ELAVL4: variants seen among roughly 807,000 people sequenced by gnomAD.
ELAVL4 encodes ELAV like RNA binding protein 4.
In ELAVL4, 1 loss-of-function variant was observed where a neutral mutation model predicts 35.6. The ratio of observed to expected loss-of-function variants is 0.03; its 90% CI spans 0.01 to 0.13. The LOEUF is 0.13. ELAVL4 is among the 10% of genes least tolerant of loss of function. The pLI is 1.00. For missense variants in ELAVL4, 267 were observed against 464.9 expected, an observed-to-expected ratio of 0.57 and a Z score of 3.91; for synonymous variants, 156 against 171.0, an observed-to-expected ratio of 0.91 and a Z score of 0.69.
chr1:50,130,583 A>T (rs1291070531), intron 1 of ELAVL4, among the ~76,000 whole-genome samples: 1 of 152,172 alleles, frequency 6.6e-6, no homozygotes, highest in Non-Finnish European at 1.5e-5. Flanking sequence ...TTATAACAGG[A>T]TTTCCCTTTA....
In ELAVL4 at chr1:50,067,847, C is replaced by A. The variant is rs190936610; in HGVS notation, c.18+19665C>A. On this transcript the variant is annotated intron_variant, in intron 1 of 6. Transcript: ENST00000448907. Reference sequence around the variant, plus strand: ...AAGGCGAAGCACACATGTCCTTCTTCACATGATGGCAGGAAGAAGTGCCAA... The same window carrying A: ...AAGGCGAAGCACACATGTCCTTCTTAACATGATGGCAGGAAGAAGTGCCAA... Among the ~76,000 whole-genome samples, 92 of 152,260 alleles carry A rather than the reference C, an allele frequency of 6.0e-4. No individual in the cohort carries two copies. The Middle Eastern group carries it at 0.01, about 17-fold the overall frequency.
At chr1:50,102,891 A>G (rs1666064441), upstream of ELAVL4, among the ~76,000 whole-genome samples, 1 of 152,182 alleles carries the variant, frequency 6.6e-6, no homozygotes, top group Admixed American at 6.5e-5. Context: ...CATTCCACCT[A>G]AATCAGATGC....
At chr1:50,137,959 T>G (rs1320714351) in intron 1 of ELAVL4, among the ~76,000 whole-genome samples, 1 of 152,186 alleles carries the variant, frequency 6.6e-6, no homozygotes, top group African/African-American at 2.4e-5. Flanking sequence ...ATGTACATTA[T>G]CTCACTGAGT....
intron 3 of ELAVL4, among the ~76,000 whole-genome samples, chr1:50,187,283 C>G (rs570660006): frequency 6.6e-6 from 1 of 152,324 alleles, no homozygotes; most frequent in African/African-American, 2.4e-5. Context: ...TCTCTACACC[C>G]TTGGTGTCTA....
At chr1:50,196,206 T>A (rs1644048771) in intron 5 of ELAVL4, among the ~76,000 whole-genome samples, 1 of 152,208 alleles carries the variant, frequency 6.6e-6, no homozygotes, top group Non-Finnish European at 1.5e-5. Flanking sequence ...TCCTATCTTC[T>A]TTTCCCTCGG....
At chr1:50,170,631 C>T (rs1678833863) in intron 2 of ELAVL4, among the ~76,000 whole-genome samples, 1 of 152,126 alleles carries the variant, frequency 6.6e-6, no homozygotes, top group South Asian at 2.1e-4. Flanking sequence ...TGTGGAAGTA[C>T]AGATTTTGAT....
chr1:50,057,679 G>A (rs1188318344), intron 1 of ELAVL4, among the ~76,000 whole-genome samples: 1 of 152,210 alleles, frequency 6.6e-6, no homozygotes, highest in African/African-American at 2.4e-5. Flanking sequence ...GTGAACAGTA[G>A]GCTATCCCAT....
In ELAVL4 at chr1:50,202,517, G is replaced by C. The variant is rs2148902496; in HGVS notation, c.*1339G>C. The C allele has an allele frequency of 6.6e-6, 1 of 152,216 alleles. No individual in the cohort carries two copies. 9.4% of individuals were successfully genotyped at this position (152,216 alleles called of 1,614,324 possible). On this transcript the variant is annotated 3_prime_UTR_variant, in exon 7 of 7. Coordinates refer to ENST00000371824, the MANE Select transcript of ELAVL4 (RefSeq NM_001144774.3). ...ATTTGAAACACTGTTTATGTTGCTT[G>C]AAACACTTATTTATTTAATCGCCGA... is the stretch of plus-strand genomic sequence containing the variant.
At chr1:50,107,755 A>G (rs987922612), upstream of ELAVL4, among the ~76,000 whole-genome samples, 2 of 152,226 alleles carry the variant, frequency 1.3e-5, no homozygotes, top group Non-Finnish European at 2.9e-5. Flanking sequence ...GTGACACATT[A>G]GTCTTTTGCA....
At chr1:50,086,228 T>C (rs566246856) in intron 1 of ELAVL4, among the ~76,000 whole-genome samples, 1 of 152,222 alleles carries the variant, frequency 6.6e-6, no homozygotes, top group South Asian at 2.1e-4. Flanking sequence ...CAAGATTGGC[T>C]AATGGGTTAC....
chr1:50,201,414 T>C lies in ELAVL4; in HGVS notation c.*236T>C, dbSNP rs1644390362. 1 of 296,292 alleles carries C rather than the reference T, an allele frequency of 3.4e-6. No homozygotes were observed. Among genetic ancestry groups the C allele is most frequent in the Non-Finnish European group, 6.0e-6 (1 of 165,974 alleles). 18.4% of individuals were successfully genotyped at this position (296,292 alleles called of 1,614,324 possible). On this transcript the variant is annotated 3_prime_UTR_variant, in exon 7 of 7. Coordinates refer to ENST00000371824, the MANE Select transcript of ELAVL4 (RefSeq NM_001144774.3). The surrounding 1 kb of genome is among the most constrained non-coding windows in gnomAD (Gnocchi z 4.3). ...AGAAAAAAAAAAAACAAAAAATACCTTTGATGCATTGAATGTTCTTTCATA... is the reference window on the plus strand; with the variant it reads ...AGAAAAAAAAAAAACAAAAAATACCCTTGATGCATTGAATGTTCTTTCATA...
rs116263376 is a variant in ELAVL4 at position 50,190,018 on chromosome 1, A to G, written c.355-3747A>G. On this transcript the variant is annotated intron_variant, in intron 3 of 6. Transcript: ENST00000371824. ...GGACTTCAGATCTTCCATAGAGATC[A>G]TCTGTAAAGTCAGCTGCTTACAGTC... Among the ~76,000 whole-genome samples the G allele has an allele frequency of 3.2e-3, 481 of 152,334 alleles. 4 individuals are homozygous for G. The highest frequency in any genetic ancestry group is 0.011 in the African/African-American group (456 of 41,576).
At chr1:50,153,249 G>T (rs1273470011) in intron 2 of ELAVL4, among the ~76,000 whole-genome samples, 1 of 152,166 alleles carries the variant, frequency 6.6e-6, no homozygotes, top group Non-Finnish European at 1.5e-5. Context: ...TCATTGGAAG[G>T]ATGGTGAAAA....
Position 50,177,202 on chromosome 1 carries a change from G to A in ELAVL4, c.354+10G>A, listed in dbSNP as rs1680190861. 1 of 1,602,922 alleles carries A rather than the reference G, an allele frequency of 6.2e-7. No individual in the cohort carries two copies. Among genetic ancestry groups the A allele is most frequent in the East Asian group, 2.2e-5 (1 of 44,744 alleles). ...GACCAAAACCATAAAGGTAAGAGGT[G>A]ATGTGCTGGCTCCTGATTCAGGAGG... On this transcript the variant is annotated intron_variant, in intron 3 of 6. Transcript: ENST00000371824.
At chr1:50,103,880 C>T (rs1442527187), upstream of ELAVL4, 20 of 1,598,086 alleles carry the variant, frequency 1.3e-5, no homozygotes, top group East Asian at 2.2e-5. Flanking sequence ...CAGCTGTGTT[C>T]GGAGGGACTG....
At chr1:50,106,002 T>C, upstream of ELAVL4, 1 of 297,592 alleles carries the variant, frequency 3.4e-6, no homozygotes, top group East Asian at 5.5e-5. Context: ...CCCCCTCTTC[T>C]TTTTTTTCCC....
rs754451042 is a variant in ELAVL4, at chr1:50,149,542, C to CTT, written c.250+4363_250+4364dup. ...ACTCTCTGTGTACCCATGCATTGTC[C>CTT]TTTTTTTTTTTTTTTTTTTGAGATG... On this transcript the variant is annotated intron_variant, in intron 2 of 6. Coordinates refer to ENST00000371824, the MANE Select transcript of ELAVL4 (RefSeq NM_001144774.3). Among the ~76,000 whole-genome samples the CTT allele has an allele frequency of 1.5e-3, 193 of 126,452 alleles. 4 individuals are homozygous for CTT. The highest frequency in any genetic ancestry group is 3.7e-3 in the East Asian group (14 of 3,774). 83.0% of individuals were successfully genotyped at this position (126,452 alleles called of 152,430 possible). A position where few individuals can be genotyped will look rare whatever the true frequency, so the allele number is the denominator to read the frequency against.
chr1:50,117,156 C>T (rs971830903), intron 1 of ELAVL4, among the ~76,000 whole-genome samples: 8 of 152,038 alleles, frequency 5.3e-5, no homozygotes, highest in African/African-American at 1.9e-4. Flanking sequence ...GGGAGGATAA[C>T]TTTCTAGCTT....
intron 3 of ELAVL4, chr1:50,179,970 G>A (rs1403698146): frequency 1.3e-5 from 2 of 152,210 alleles, no homozygotes; most frequent in East Asian, 1.9e-4. Context: ...AGATCTACCA[G>A]TTGTCCAATA....
Sources: gnomAD v4.1 joint callset for allele counts (sites outside exome capture counted in the v4.1 genomes callset) on GRCh38, gnomAD v4.1.1 for gene constraint, Gnocchi (gnomAD v3.1) non-coding constraint, MANE v1.5 for transcripts, NCBI Gene and HGNC (gene_info 2026-07-23, HGNC 2026-07-21) for gene names.